Variants in CNTNAP3 observed in about 807,000 individuals in gnomAD.
CNTNAP3 encodes contactin associated protein family member 3.
CNTNAP3 carries 36 observed loss-of-function variants against 92.1 expected under a neutral mutation model. The ratio of observed to expected loss-of-function variants is 0.39; its 90% CI spans 0.30 to 0.52. The LOEUF is 0.52. Among genes scored for constraint, CNTNAP3 ranks in the 20% least tolerant of loss-of-function variants. The pLI is 0.76. For missense variants in CNTNAP3, 534 were observed against 1,069.6 expected, an observed-to-expected ratio of 0.50 and a Z score of 6.98; for synonymous variants, 232 against 422.3, an observed-to-expected ratio of 0.55 and a Z score of 5.53.
rs201621606 is a variant in CNTNAP3 at position 39,084,194 on chromosome 9, G to GTTTTTTT, written c.3442+1535_3442+1541dup. Among the ~76,000 whole-genome samples the GTTTTTTT allele has an allele frequency of 6.7e-4, 78 of 116,890 alleles. 1 individual carries two copies. Among genetic ancestry groups the GTTTTTTT allele is most frequent in the African/African-American group, 2.2e-3 (68 of 31,304 alleles). The allele number at this position is 116,890 out of a possible 152,430, so 76.7% of individuals were successfully genotyped here. ...ACTGTTCATAGCAGATGCTCACCAAGTTTTTTTTTTTTTTTTTTTTTTGAG... is the reference window on the plus strand; with the variant it reads ...ACTGTTCATAGCAGATGCTCACCAAGTTTTTTTTTTTTTTTTTTTTTTTTTTTTTGAG... On this transcript the variant is annotated intron_variant, in intron 21 of 23. Transcript: ENST00000297668.
intron 14 of CNTNAP3, among the ~76,000 whole-genome samples, chr9:39,116,401 T>C (rs1053523627): frequency 1.3e-5 from 2 of 151,866 alleles, no homozygotes; most frequent in Admixed American, 1.3e-4. Context: ...TTGTTAAAGA[T>C]GTCCGTCAAA....
chr9:39,115,686 C>G (rs1159394341), intron 14 of CNTNAP3, among the ~76,000 whole-genome samples: 3 of 152,038 alleles, frequency 2.0e-5, no homozygotes, highest in Non-Finnish European at 4.4e-5. Flanking sequence ...CTGCTTCTCT[C>G]CTAAATTTTT....
chr9:39,088,724 T>C (rs1826123927), intron 18 of CNTNAP3, 77 bp from the exon 19 acceptor site: 1 of 1,160,372 alleles, frequency 8.6e-7, no homozygotes, highest in African/African-American at 1.5e-5. Context: ...ATTTAGAGAA[T>C]GAGACCAAAC....
chr9:39,081,806 C>A (rs1252557254), intron 21 of CNTNAP3, among the ~76,000 whole-genome samples: 1 of 151,200 alleles, frequency 6.6e-6, no homozygotes. Flanking sequence ...AGGCCAGGCA[C>A]GGTGGCTCAT....
Position 39,069,788 on chromosome 9 carries a change from T to TTA in CNTNAP3, c.*4100_*4101dup, listed in dbSNP as rs1395670368. ...TTCTGACAACACATCAGCAATGAACTTAGCCTGAGCTACATCCATTGGGAG... is the reference window on the plus strand; with the variant it reads ...TTCTGACAACACATCAGCAATGAACTTATAGCCTGAGCTACATCCATTGGGAG... On this transcript the variant is annotated 3_prime_UTR_variant, in exon 24 of 24. Coordinates refer to ENST00000297668, the MANE Select transcript of CNTNAP3 (RefSeq NM_033655.5). Among the ~76,000 whole-genome samples, 1 of 152,310 alleles carries TTA rather than the reference T, an allele frequency of 6.6e-6. No individual in the cohort carries two copies. Among genetic ancestry groups the TTA allele is most frequent in the Non-Finnish European group, 1.5e-5 (1 of 68,058 alleles).
intron 9 of CNTNAP3, among the ~76,000 whole-genome samples, chr9:39,151,808 C>A (rs961595650): frequency 6.8e-6 from 1 of 146,970 alleles, no homozygotes; most frequent in Non-Finnish European, 1.5e-5. Context: ...AAAAAAGAAG[C>A]CTGCTTATAT....
At chr9:39,166,630 TCTGAG>T (rs1822177905) in intron 8 of CNTNAP3, among the ~76,000 whole-genome samples, 1 of 146,884 alleles carries the variant, frequency 6.8e-6, no homozygotes, top group Admixed American at 6.8e-5. Context: ...GCTTTCACTG[TCTGAG>T]CTATTTTACA....
At chr9:39,144,467 C>A (rs1471934536) in intron 10 of CNTNAP3, 121 bp from the exon 11 acceptor site, 5 of 1,444,858 alleles carry the variant, frequency 3.5e-6, no homozygotes, top group Non-Finnish European at 4.6e-6. Context: ...GCAAGATAAC[C>A]CCACATGACG....
chr9:39,075,477 C>A (rs1034014237), intron 23 of CNTNAP3, among the ~76,000 whole-genome samples: 5 of 151,860 alleles, frequency 3.3e-5, no homozygotes, highest in Non-Finnish European at 7.4e-5. Flanking sequence ...GAATATGTCA[C>A]CCCCAAATAT....
intron 12 of CNTNAP3, among the ~76,000 whole-genome samples, chr9:39,139,531 T>A (rs571826171): frequency 7.9e-5 from 12 of 152,022 alleles, no homozygotes; most frequent in African/African-American, 2.7e-4. Context: ...TTGTTTCTTT[T>A]TCCTTGATGC....
intron 21 of CNTNAP3, among the ~76,000 whole-genome samples, chr9:39,082,676 C>G (rs1223077350): frequency 1.3e-5 from 2 of 152,294 alleles, no homozygotes; most frequent in Admixed American, 6.5e-5. Flanking sequence ...GGGATAAGGT[C>G]ATGACCCCCT....
chr9:39,069,122 G>C lies in CNTNAP3; in HGVS notation c.*4768C>G, dbSNP rs1388000295. 3.9e-5 allele frequency among the ~76,000 whole-genome samples: 6 copies of C among 152,222 alleles called. No homozygotes were observed. The highest frequency in any genetic ancestry group is 8.8e-5 in the Non-Finnish European group (6 of 68,030). ...ATTATGTTTACTCACTGCAGATTAA[G>C]ATGAACATTGTAGATTGGAGCATAT... On this transcript the variant is annotated 3_prime_UTR_variant, in exon 24 of 24. Coordinates refer to ENST00000297668, the MANE Select transcript of CNTNAP3 (RefSeq NM_033655.5).
chr9:39,096,769 C>A (rs1826335590), intron 18 of CNTNAP3, among the ~76,000 whole-genome samples: 1 of 151,584 alleles, frequency 6.6e-6, no homozygotes, highest in Admixed American at 6.6e-5. Context: ...CCTGGCGTTT[C>A]CTTGTATATA....
At chr9:39,108,877 C>T (rs1587711585) in intron 15 of CNTNAP3, among the ~76,000 whole-genome samples, 1 of 152,136 alleles carries the variant, frequency 6.6e-6, no homozygotes, top group East Asian at 1.9e-4. Flanking sequence ...TAGTTCATCT[C>T]ATGATTGTTC....
chr9:39,093,591 G>C (rs1826261072), intron 18 of CNTNAP3, among the ~76,000 whole-genome samples: 1 of 151,190 alleles, frequency 6.6e-6, no homozygotes, highest in African/African-American at 2.4e-5. Flanking sequence ...TTTGTCTATT[G>C]ATATCTAGTA....
chr9:39,074,389 C>T (rs1306121178), intron 23 of CNTNAP3, among the ~76,000 whole-genome samples: 1 of 145,400 alleles, frequency 6.9e-6, no homozygotes, highest in East Asian at 2.0e-4. Context: ...GACATCATTG[C>T]TTTTTAAGTT....
chr9:39,147,838 G>A (rs919210236), intron 10 of CNTNAP3, among the ~76,000 whole-genome samples: 14 of 152,162 alleles, frequency 9.2e-5, no homozygotes, highest in Non-Finnish European at 4.4e-5. Context: ...CAGGCAACAT[G>A]GATCATCTCT....
intron 21 of CNTNAP3, 126 bp from the exon 22 acceptor site, chr9:39,079,046 G>A: frequency 1.4e-6 from 2 of 1,441,562 alleles, no homozygotes; most frequent in East Asian, 2.5e-5. Flanking sequence ...CGAACCCCTC[G>A]TTCCTTCACT....
chr9:39,112,344 G>A (rs1229147184), intron 14 of CNTNAP3, among the ~76,000 whole-genome samples: 1 of 151,766 alleles, frequency 6.6e-6, no homozygotes, highest in Non-Finnish European at 1.5e-5. Flanking sequence ...CTAAAAGGGA[G>A]AAATGTTAAG....
Sources: allele counts gnomAD v4.1 joint callset (sites outside exome capture counted in the v4.1 genomes callset), GRCh38; gene constraint gnomAD v4.1.1; transcripts MANE v1.5; gene names NCBI Gene and HGNC (gene_info 2026-07-23, HGNC 2026-07-21).